The following HSPG2 variants were observed in gnomAD, a reference collection of about 807,000 sequenced individuals.
HSPG2 encodes heparan sulfate proteoglycan 2, also known as basement membrane-specific heparan sulfate proteoglycan core protein.
A neutral mutation model predicts 526.6 loss-of-function variants in HSPG2; 278 were observed. The observed-to-expected ratio is 0.53, with a 90% CI of 0.48 to 0.58. HSPG2 has a LOEUF of 0.58. Ranked by LOEUF, HSPG2 falls within the 20% of genes least tolerant of loss-of-function variation. The pLI, the probability that HSPG2 is intolerant of heterozygous loss-of-function variation, is 0.00. For synonymous variants in HSPG2, 2,465 were observed against 2,555.4 expected, an observed-to-expected ratio of 0.96 and a Z score of 1.07; for missense variants, 5,354 against 6,099.5, an observed-to-expected ratio of 0.88 and a Z score of 4.07.
Position 21,829,071 on chromosome 1 carries a change from C to T in HSPG2, c.12001G>A (p.Val4001Ile), listed in dbSNP as rs985624091. ...GCCAGCGGCTCGGCGCTCCGCAGAA[C>T]GGCCAGCCCTGGGGAGGATGCCAGG... is the stretch of plus-strand genomic sequence containing the variant. ...FRYELGSGLA[V>I]LRSAEPLALG... The change falls in exon 88 of 97, where the codon GTT becomes ATT. Residue 4001 changes from valine to isoleucine, a missense_variant. Transcript: ENST00000374695. 6.4e-5 allele frequency: 98 copies of T among 1,540,124 alleles called. No individual in the cohort carries two copies. Among genetic ancestry groups the T allele is most frequent in the Middle Eastern group, 4.0e-4 (2 of 5,008 alleles).
At position 21,876,294 on chromosome 1, in the gene HSPG2, A is replaced by T; in HGVS notation, c.2938T>A (p.Ser980Thr). ...SPTPGELGFS[S>T]FHRLLSGPYF... ...GGTCCAGATAAGAGTCTGTGGAAGG[A>T]GGAGAATCCCAGTTCCCCGGGCGTG... Residue 980 changes from serine to threonine, a missense_variant, in exon 23 of 97, where the codon TCC (serine) becomes ACC (threonine). Coordinates refer to ENST00000374695, the MANE Select transcript of HSPG2 (RefSeq NM_005529.7). 6.2e-7 allele frequency: 1 copy of T among 1,614,008 alleles called. No individual in the cohort carries two copies. Among genetic ancestry groups the T allele is most frequent in the Non-Finnish European group, 8.5e-7 (1 of 1,179,992 alleles).
At position 21,859,642 on chromosome 1, in the gene HSPG2, C is replaced by A. The variant is rs146482954; in HGVS notation, c.5217G>T (p.Ser1739=). The A allele has an allele frequency of 1.2e-6, 2 of 1,608,366 alleles. No individual in the cohort carries two copies. The highest frequency in any genetic ancestry group is 1.7e-6 in the Non-Finnish European group (2 of 1,177,556). Residue 1739 remains serine, a synonymous_variant, in exon 42 of 97, where the codon TCG becomes TCT. Transcript: ENST00000374695. This position sits in a 1 kb window ranked among gnomAD's most constrained non-coding sequence, Gnocchi z 5.3. The part of the protein sequence containing the change: ...SELHFPSVQP[S]DAGVYICTCR... ...AGGTGCAAATGTAGACCCCAGCATC[C>A]GAGGGCTGGACGCTGGGGAAGTGGA...
At chr1:21,922,546 C>T (rs1644068875) in intron 1 of HSPG2, among the ~76,000 whole-genome samples, 1 of 152,108 alleles carries the variant, frequency 6.6e-6, no homozygotes, top group Non-Finnish European at 1.5e-5. Context: ...AGGGTGCATC[C>T]CCCCACCACT....
At chr1:21,875,096 G>T in intron 25 of HSPG2, 94 bp from the exon 26 acceptor site, 1 of 914,678 alleles carries the variant, frequency 1.1e-6, no homozygotes, top group Non-Finnish European at 1.7e-6. Flanking sequence ...TAGTCCTCCC[G>T]ACAGCCCTGT....
intron 1 of HSPG2, among the ~76,000 whole-genome samples, chr1:21,929,582 G>GT (rs35937490): frequency 0.11 from 14,026 of 125,116 alleles, 2,004 homozygotes; most frequent in African/African-American, 0.33. Flanking sequence ...CCACCTGCCG[G>GT]TTTTTTTTTT....
At chr1:21,853,947 T>C (rs1055380647) in intron 50 of HSPG2, 19 of 532,826 alleles carry the variant, frequency 3.6e-5, no homozygotes, top group Middle Eastern at 2.7e-4. Context: ...AGCTTAGTAT[T>C]CAACCTGGAC....
Position 21,854,741 on chromosome 1 carries a change from A to T in HSPG2, c.6158T>A (p.Val2053Asp). Residue 2053 changes from valine to aspartate, a missense_variant, in exon 49 of 97, where the codon GTC becomes GAC. Physicochemically the swap from Val to Asp is radical, Grantham distance 152 (BLOSUM62 -3). Coordinates refer to ENST00000374695, the MANE Select transcript of HSPG2 (RefSeq NM_005529.7). ...AGAAGGCGATGAGGACTCAATCTTG[A>T]CCGGCGGTGGGCTGGCATCTGAGGC... ...LSASDASPPP[V>D]KIESSSPSVT... The T allele has an allele frequency of 6.2e-7, 1 of 1,613,770 alleles. No homozygotes were observed. The highest frequency in any genetic ancestry group is 8.5e-7 in the Non-Finnish European group (1 of 1,179,882).
chr1:21,870,373 A>G, intron 33 of HSPG2: 1 of 838,234 alleles, frequency 1.2e-6, no homozygotes, highest in African/African-American at 1.8e-5. Flanking sequence ...AGCTAGAGCC[A>G]TGGGCAGGGT....
chr1:21,872,837 C>T lies in HSPG2; in HGVS notation c.3889-77G>A, dbSNP rs750278462. The T allele has an allele frequency of 4.5e-6, 7 of 1,565,090 alleles. No homozygotes were observed. The highest frequency in any genetic ancestry group is 3.3e-4 in the Middle Eastern group (2 of 6,002). ...ACCCCCAGCAGCCTGAGGCCAGCCT[C>T]CCTGGCCACTTCCAGCAGCCCCGGG... is the stretch of plus-strand genomic sequence containing the variant. On this transcript the variant is annotated intron_variant, in intron 31 of 96. Transcript: ENST00000374695. The surrounding 1 kb of genome is among the most constrained non-coding windows in gnomAD (Gnocchi z 5.5).
rs1639002819 is a variant in HSPG2 at position 21,852,784 on chromosome 1, C to T, written c.6640G>A (p.Gly2214Ser). 6.2e-7 allele frequency: 1 copy of T among 1,612,968 alleles called. No homozygotes were observed. The highest frequency in any genetic ancestry group is 8.5e-7 in the Non-Finnish European group (1 of 1,179,890). ...RLHQVTPADS[G>S]EYVCHVVGTS... ...CCCACCACATGGCACACATACTCGC[C>T]TGAGTCGGCCGGGGTCACCTGGTGC... The change falls in exon 52 of 97, where the codon GGC (glycine) becomes AGC (serine). Residue 2214 changes from glycine to serine, a missense_variant. Physicochemically the swap from Gly to Ser is moderately conservative, Grantham distance 56. Transcript: ENST00000374695.
At position 21,878,500 on chromosome 1, in the gene HSPG2, G is replaced by C; in HGVS notation, c.2559-9C>G. 1.9e-6 allele frequency: 3 copies of C among 1,613,354 alleles called. No homozygotes were observed. The highest frequency in any genetic ancestry group is 1.1e-5 in the South Asian group (1 of 90,998). Reference sequence around the variant, plus strand: ...CGTATCCGGGGGCACAGCTAGGGGAGAGAGGGGGCCGCCATCAGCACTTCC... The same window carrying C: ...CGTATCCGGGGGCACAGCTAGGGGACAGAGGGGGCCGCCATCAGCACTTCC... On this transcript the variant is annotated splice_polypyrimidine_tract_variant and intron_variant, in intron 19 of 96. Coordinates refer to ENST00000374695, the MANE Select transcript of HSPG2 (RefSeq NM_005529.7).
At chr1:21,869,644 C>T (rs1032809473) in intron 33 of HSPG2, 212 of 985,856 alleles carry the variant, frequency 2.2e-4, no homozygotes, top group African/African-American at 2.8e-4. Flanking sequence ...AGCATCCATC[C>T]GTCTCTGAGC....
intron 1 of HSPG2, among the ~76,000 whole-genome samples, chr1:21,925,614 G>C (rs540089267): frequency 6.6e-5 from 10 of 152,212 alleles, no homozygotes; most frequent in African/African-American, 2.4e-4. Flanking sequence ...GAAGCCAAAG[G>C]GTAAAAAGAC....
chr1:21,833,755 A>G, intron 78 of HSPG2, 61 bp downstream of exon 78: 4 of 1,514,514 alleles, frequency 2.6e-6, no homozygotes, highest in Non-Finnish European at 3.6e-6. Flanking sequence ...GGACACTGAG[A>G]CGCTTCAGAT....
Position 21,890,805 on chromosome 1 carries a change from C to T in HSPG2, c.245-111G>A, listed in dbSNP as rs1642305438. On this transcript the variant is annotated intron_variant, in intron 3 of 96. Coordinates refer to ENST00000374695, the MANE Select transcript of HSPG2 (RefSeq NM_005529.7). The surrounding 1 kb of genome is among the most constrained non-coding windows in gnomAD (Gnocchi z 4.1). ...GGGGATGGCCCCCAGAGGCCTCCCT[C>T]GAGGCTGACACCTGTGTGCCCACTG... The T allele has an allele frequency of 9.0e-6, 7 of 776,990 alleles. No homozygotes were observed. The highest frequency in any genetic ancestry group is 7.9e-5 in the East Asian group (3 of 38,132). The allele number at this position is 776,990 out of a possible 1,614,324, so 48.1% of individuals were successfully genotyped here.
chr1:21,837,135 A>G (rs1415863903), intron 74 of HSPG2, 129 bp from the exon 75 acceptor site: 11 of 843,480 alleles, frequency 1.3e-5, no homozygotes, highest in Admixed American at 2.0e-5. Flanking sequence ...CTGACCAGGG[A>G]AAAAAGACCG....
Position 21,823,625 on chromosome 1 carries a change from C to T in HSPG2, c.12994G>A (p.Val4332Ile), listed in dbSNP as rs1138469. ...PNVAVNAKGSVYIGGAPDVAT... is the reference protein window; with the variant it reads ...PNVAVNAKGSIYIGGAPDVAT... ...GGAGCCCCAGACTTACCGATGTAGA[C>T]GCTGCCCTTGGCGTTGACTGCCACG... Residue 4332 changes from valine (V) to isoleucine (I), a missense_variant, in exon 96 of 97, where the codon GTC (valine) becomes ATC (isoleucine). Val to Ile is a conservative substitution (Grantham distance 29, BLOSUM62 3). Transcript: ENST00000374695. The T allele has an allele frequency of 0.06, 97,384 of 1,613,462 alleles. 3,252 individuals are homozygous for T. The highest frequency in any genetic ancestry group is 0.1 in the South Asian group (9,261 of 91,072).
chr1:21,903,708 C>T (rs889132533), intron 1 of HSPG2, among the ~76,000 whole-genome samples: 3 of 152,220 alleles, frequency 2.0e-5, no homozygotes, highest in Non-Finnish European at 4.4e-5. Flanking sequence ...TGGAATGAGG[C>T]GGTGATCTCT....
chr1:21,837,638 TTAAA>T (rs934171111), intron 74 of HSPG2, among the ~76,000 whole-genome samples: 1 of 151,974 alleles, frequency 6.6e-6, no homozygotes, highest in African/African-American at 2.4e-5. Flanking sequence ...TGCCTGCAGT[TTAAA>T]TAAGAGAATC....
Sources: gnomAD v4.1 joint callset for allele counts (sites outside exome capture counted in the v4.1 genomes callset) on GRCh38, gnomAD v4.1.1 for gene constraint, Gnocchi (gnomAD v3.1) non-coding constraint, MANE v1.5 for transcripts, NCBI Gene and HGNC (gene_info 2026-07-23, HGNC 2026-07-21) for gene names.